The following MYH16 variants were observed in gnomAD, a reference collection of about 807,000 sequenced individuals.
The protein encoded by MYH16 is myosin heavy chain 16.
chr7:99,289,289 G>A, exon 30 of MYH16: 1 of 419,820 alleles, frequency 2.4e-6, no homozygotes, highest in Middle Eastern at 3.4e-4. Context: ...CTGAGCAGAT[G>A]AACGCCGAGG....
intron 2 of MYH16, among the ~76,000 whole-genome samples, chr7:99,244,329 T>C (rs1368928885): frequency 6.6e-6 from 1 of 152,226 alleles, no homozygotes; most frequent in African/African-American, 2.4e-5. Flanking sequence ...TTGTCTGACA[T>C]GATGACCAGA....
intron 11 of MYH16, among the ~76,000 whole-genome samples, chr7:99,259,554 G>A (rs1210048930): frequency 1.3e-5 from 2 of 151,930 alleles, no homozygotes; most frequent in Admixed American, 1.3e-4. Context: ...CGCCTCCAGG[G>A]TTCAAGTGAT....
chr7:99,273,652 G>T (rs1450389600), intron 20 of MYH16, among the ~76,000 whole-genome samples: 7 of 152,128 alleles, frequency 4.6e-5, no homozygotes, highest in African/African-American at 1.7e-4. Context: ...CCAGCCCTTT[G>T]GGAGGCTGAG....
chr7:99,259,938 C>T (rs758961028), intron 11 of MYH16, among the ~76,000 whole-genome samples: 1 of 151,574 alleles, frequency 6.6e-6, no homozygotes, highest in South Asian at 2.1e-4. Flanking sequence ...CTGTGTGGCC[C>T]GAGGCATGTG....
exon 29 of MYH16, chr7:99,288,015 G>A (rs1368673511): frequency 1.1e-5 from 5 of 456,614 alleles, no homozygotes; most frequent in East Asian, 6.9e-5. Context: ...CTCCATGGCC[G>A]AGCTGACGGA....
At chr7:99,242,188 G>A (rs1791674887) in intron 1 of MYH16, among the ~76,000 whole-genome samples, 1 of 152,152 alleles carries the variant, frequency 6.6e-6, no homozygotes, top group South Asian at 2.1e-4. Context: ...TGAAGAAATT[G>A]GGGTGCAGCA....
chr7:99,255,129 T>C (rs1791855459), intron 8 of MYH16, among the ~76,000 whole-genome samples: 1 of 151,934 alleles, frequency 6.6e-6, no homozygotes, highest in African/African-American at 2.4e-5. Flanking sequence ...ATTAGCTAGG[T>C]GTGGTGGTGG....
rs1300509271 is a variant in MYH16, at chr7:99,291,303, T to C, written n.3825-20T>C. The C allele has an allele frequency of 2.2e-6, 1 of 454,790 alleles. No individual in the cohort carries two copies. The highest frequency in any genetic ancestry group is 1.6e-5 in the South Asian group (1 of 64,186). 28.2% of individuals were successfully genotyped at this position (454,790 alleles called of 1,614,324 possible). Reference sequence around the variant, plus strand: ...AACCAGTTCTTCATCCAATATTTCTTCCATTTCCTTCTCACCCAGCTGAAA... The same window carrying C: ...AACCAGTTCTTCATCCAATATTTCTCCCATTTCCTTCTCACCCAGCTGAAA... On this transcript the variant is annotated intron_variant and non_coding_transcript_variant, in intron 30 of 41. Transcript: ENST00000439784.
intron 32 of MYH16, among the ~76,000 whole-genome samples, 186 bp downstream of exon 13, chr7:99,292,694 T>C (rs1307293816): frequency 6.6e-6 from 1 of 152,182 alleles, no homozygotes; most frequent in Non-Finnish European, 1.5e-5. Flanking sequence ...CTATGGTGGC[T>C]CATGCCTGTA....
chr7:99,303,012 GA>G (rs1304949232), intron 38 of MYH16, 52 bp from the exon 20 acceptor site: 1 of 152,612 alleles, frequency 6.6e-6, no homozygotes, highest in Non-Finnish European at 1.5e-5. Flanking sequence ...CTGGACACAG[GA>G]AGGCCCATGC....
exon 34 of MYH16, chr7:99,296,850 C>G (rs919054457): frequency 8.7e-6 from 4 of 457,464 alleles, no homozygotes; most frequent in Non-Finnish European, 1.8e-5. Flanking sequence ...GCTTCAAGAT[C>G]AAGACTGCCT....
At chr7:99,249,318 AG>A (rs1791779352) in intron 4 of MYH16, among the ~76,000 whole-genome samples, 1 of 151,946 alleles carries the variant, frequency 6.6e-6, no homozygotes, top group Non-Finnish European at 1.5e-5. Context: ...AGGCTGAGGC[AG>A]GAGGATCGCT....
chr7:99,274,675 T>A (rs1322788565), intron 20 of MYH16, among the ~76,000 whole-genome samples: 1 of 144,082 alleles, frequency 6.9e-6, no homozygotes, highest in Non-Finnish European at 1.5e-5. Context: ...TTCACTTTTT[T>A]TTTTTTTTTT....
chr7:99,287,987 G>A (rs1359867179), exon 29 of MYH16: 1 of 456,672 alleles, frequency 2.2e-6, no homozygotes, highest in Non-Finnish European at 4.4e-6. Flanking sequence ...CCTCCACACT[G>A]CGCAAGAAGC....
At chr7:99,295,380 A>T (rs1310401915) in intron 33 of MYH16, among the ~76,000 whole-genome samples, 1 of 151,736 alleles carries the variant, frequency 6.6e-6, no homozygotes, top group Non-Finnish European at 1.5e-5. Context: ...CTGGCTCCAA[A>T]AAAAAAAGAA....
chr7:99,250,892 G>A (rs1206517901), intron 5 of MYH16, among the ~76,000 whole-genome samples: 1 of 152,158 alleles, frequency 6.6e-6, no homozygotes, highest in Non-Finnish European at 1.5e-5. Flanking sequence ...AGCCACAGAG[G>A]GACAGACACT....
chr7:99,299,408 T>C (rs1584359755), intron 36 of MYH16, 58 bp from the exon 18 acceptor site: 1 of 152,408 alleles, frequency 6.6e-6, no homozygotes, highest in African/African-American at 2.4e-5. Flanking sequence ...TAGGAAGGCT[T>C]AGCACAGACT....
intron 2 of MYH16, among the ~76,000 whole-genome samples, chr7:99,243,981 C>G (rs1348683835): frequency 6.6e-6 from 1 of 151,652 alleles, no homozygotes; most frequent in Non-Finnish European, 1.5e-5. Flanking sequence ...AAACATTCAT[C>G]CATCCATCCA....
intron 20 of MYH16, among the ~76,000 whole-genome samples, chr7:99,275,808 T>C (rs1204689321): frequency 6.6e-6 from 1 of 152,226 alleles, no homozygotes; most frequent in Non-Finnish European, 1.5e-5. Flanking sequence ...TCTGGCTCAC[T>C]GCAACCTCCG....
Sources: allele counts gnomAD v4.1 joint callset (sites outside exome capture counted in the v4.1 genomes callset), GRCh38; gene constraint gnomAD v4.1.1; transcripts MANE v1.5; gene names NCBI Gene and HGNC (gene_info 2026-07-23, HGNC 2026-07-21).